The following TRIO variants were observed in gnomAD, a reference collection of about 807,000 sequenced individuals.
TRIO encodes triple functional domain protein.
TRIO carries 58 observed loss-of-function variants against 351.9 expected under a neutral mutation model. That is an observed-to-expected ratio of 0.16 (90% CI 0.13 to 0.21). The LOEUF is 0.21. TRIO is among the 10% of genes least tolerant of loss of function. The probability of loss-of-function intolerance (pLI) is 1.00; values close to 1 mark genes in which losing one functional copy is unlikely to be tolerated. For missense variants in TRIO, 3,201 were observed against 4,027.8 expected, an observed-to-expected ratio of 0.79 and a Z score of 5.56; for synonymous variants, 1,758 against 1,595.7, an observed-to-expected ratio of 1.10 and a Z score of -2.42.
chr5:14,246,319 A>G (rs1038935196), intron 1 of TRIO, among the ~76,000 whole-genome samples: 1 of 152,200 alleles, frequency 6.6e-6, no homozygotes, highest in Non-Finnish European at 1.5e-5. Flanking sequence ...GTTTAACATC[A>G]TTGAGGGCTG....
chr5:14,248,983 C>A (rs1037324759), intron 1 of TRIO, among the ~76,000 whole-genome samples: 4 of 152,164 alleles, frequency 2.6e-5, no homozygotes, highest in African/African-American at 9.7e-5. Flanking sequence ...GAGCTTCTGT[C>A]CAGGTGAGGT....
Position 14,462,886 on chromosome 5 carries a change from G to A in TRIO, c.5628G>A (p.Gln1876=), listed in dbSNP as rs1351400805. Residue 1876 remains glutamine, a synonymous_variant, in exon 36 of 57, where the codon CAG becomes CAA. Coordinates refer to ENST00000344204, the MANE Select transcript of TRIO (RefSeq NM_007118.4). ...CCCTGCCGCCACCCATGGCCATCCA[G>A]CAGCACAGCCTCCTCCAGCCAGACT... is the stretch of plus-strand genomic sequence containing the variant. The part of the protein sequence containing the change: ...AVPLPPPMAI[Q]QHSLLQPDSQ... 1 of 1,610,088 alleles carries A rather than the reference G, an allele frequency of 6.2e-7. No homozygotes were observed.
chr5:14,180,915 G>GT (rs539873823), intron 1 of TRIO, among the ~76,000 whole-genome samples: 7 of 151,966 alleles, frequency 4.6e-5, no homozygotes, highest in South Asian at 4.2e-4. Flanking sequence ...GATTTGAGTT[G>GT]GCTTATTTTC....
At chr5:14,501,315 A>G (rs1757286989) in intron 53 of TRIO, among the ~76,000 whole-genome samples, 1 of 152,246 alleles carries the variant, frequency 6.6e-6, no homozygotes, top group African/African-American at 2.4e-5. Context: ...TAACAAAAAA[A>G]GACTGCAGAA....
At chr5:14,184,665 A>T (rs556603010) in intron 1 of TRIO, among the ~76,000 whole-genome samples, 40 of 152,352 alleles carry the variant, frequency 2.6e-4, no homozygotes, top group African/African-American at 8.2e-4. Context: ...CTCCTGATAC[A>T]AAGTCTTAAT....
intron 18 of TRIO, among the ~76,000 whole-genome samples, chr5:14,373,832 G>A (rs375674611): frequency 6.6e-6 from 1 of 152,192 alleles, no homozygotes; most frequent in Non-Finnish European, 1.5e-5. Context: ...TCTACCCTAC[G>A]TAGAAATCCA....
intron 43 of TRIO, among the ~76,000 whole-genome samples, chr5:14,480,219 G>C (rs1443835954): frequency 6.6e-6 from 1 of 152,082 alleles, no homozygotes; most frequent in Non-Finnish European, 1.5e-5. Flanking sequence ...GAGTGAGTTT[G>C]CTGAAAAAAT....
At position 14,509,353 on chromosome 5, in the gene TRIO, A is replaced by T; in HGVS notation, c.*931A>T. On this transcript the variant is annotated 3_prime_UTR_variant, in exon 57 of 57. Transcript: ENST00000344204. Reference sequence around the variant, plus strand: ...TAATAAATATATAGAAAAAGCACATACTTCGTATGGTGAGCTTTATGGTTT... The same window carrying T: ...TAATAAATATATAGAAAAAGCACATTCTTCGTATGGTGAGCTTTATGGTTT... 1 of 422,380 alleles carries T rather than the reference A, an allele frequency of 2.4e-6. No individual in the cohort carries two copies. Among genetic ancestry groups the T allele is most frequent in the South Asian group, 1.6e-5 (1 of 60,634 alleles). 26.2% of individuals were successfully genotyped at this position (422,380 alleles called of 1,614,324 possible).
Position 14,509,714 on chromosome 5 carries a change from A to G in TRIO, c.*1292A>G, listed in dbSNP as rs1374373131. On this transcript the variant is annotated 3_prime_UTR_variant, in exon 57 of 57. Transcript: ENST00000344204. Reference sequence around the variant, plus strand: ...CTGGCCGCCCCGCGGCTGGTACCCAATGCCCGAGTCACTGTGGCAGCATTC... The same window carrying G: ...CTGGCCGCCCCGCGGCTGGTACCCAGTGCCCGAGTCACTGTGGCAGCATTC... The G allele has an allele frequency of 3.1e-6, 1 of 320,064 alleles. No individual in the cohort carries two copies. The highest frequency in any genetic ancestry group is 6.0e-6 in the Non-Finnish European group (1 of 166,572). 19.8% of individuals were successfully genotyped at this position (320,064 alleles called of 1,614,324 possible). A position where few individuals can be genotyped will look rare whatever the true frequency, so the allele number is the denominator to read the frequency against.
At chr5:14,312,856 A>G (rs543803906) in intron 8 of TRIO, among the ~76,000 whole-genome samples, 2 of 152,292 alleles carry the variant, frequency 1.3e-5, no homozygotes, top group East Asian at 1.9e-4. Flanking sequence ...TTTAAAAATT[A>G]TTATCTCTAT....
intron 14 of TRIO, among the ~76,000 whole-genome samples, chr5:14,364,168 C>T (rs1744396934): frequency 6.6e-6 from 1 of 152,200 alleles, no homozygotes; most frequent in African/African-American, 2.4e-5. Flanking sequence ...TAATTCTACA[C>T]AATGATATGT....
At chr5:14,265,917 AT>A (rs1333830530) in intron 1 of TRIO, among the ~76,000 whole-genome samples, 2 of 152,324 alleles carry the variant, frequency 1.3e-5, no homozygotes, top group Admixed American at 6.5e-5. Context: ...ACTACCTAAC[AT>A]TTCACAAAAC....
chr5:14,220,847 C>T (rs1323184521), intron 1 of TRIO, among the ~76,000 whole-genome samples: 2 of 152,248 alleles, frequency 1.3e-5, no homozygotes, highest in African/African-American at 4.8e-5. Flanking sequence ...CAGGATGAAG[C>T]AGCAACTGCT....
chr5:14,231,018 G>C (rs1470383488), intron 1 of TRIO, among the ~76,000 whole-genome samples: 1 of 152,180 alleles, frequency 6.6e-6, no homozygotes, highest in Non-Finnish European at 1.5e-5. Context: ...CCAATGCCTA[G>C]TTCTTGTGTT....
In TRIO at chr5:14,476,755, C is replaced by T. The variant is rs1240044588; in HGVS notation, c.6084-139C>T. On this transcript the variant is annotated intron_variant, in intron 40 of 56. Transcript: ENST00000344204. ...GTTGCAGTGAACCAAGATCACACCACTGCACTCCAGCCTAGGTGATAGAGT... is the reference window on the plus strand; with the variant it reads ...GTTGCAGTGAACCAAGATCACACCATTGCACTCCAGCCTAGGTGATAGAGT... 4 of 663,220 alleles carry T rather than the reference C, an allele frequency of 6.0e-6. No homozygotes were observed. The African/African-American group carries it at 7.4e-5, about 12-fold the overall frequency. The allele number at this position is 663,220 out of a possible 1,614,324, so 41.1% of individuals were successfully genotyped here.
intron 34 of TRIO, among the ~76,000 whole-genome samples, chr5:14,451,997 G>A (rs879549572): frequency 6.6e-6 from 1 of 152,244 alleles, no homozygotes; most frequent in African/African-American, 2.4e-5. Context: ...GATGTTCACC[G>A]GAACTCTCCT....
intron 34 of TRIO, among the ~76,000 whole-genome samples, chr5:14,460,678 A>G (rs1161577036): frequency 6.6e-6 from 1 of 152,190 alleles, no homozygotes; most frequent in Non-Finnish European, 1.5e-5. Context: ...TCTGTCCTCC[A>G]ATGTCCGCAG....
At chr5:14,417,217 G>A (rs1447463322) in intron 33 of TRIO, among the ~76,000 whole-genome samples, 4 of 152,174 alleles carry the variant, frequency 2.6e-5, no homozygotes, top group Admixed American at 1.3e-4. Flanking sequence ...GGTTTTCCAC[G>A]GAGAAGTTTG....
At chr5:14,499,044 G>T in intron 53 of TRIO, 1 of 169,994 alleles carries the variant, frequency 5.9e-6, no homozygotes, top group Admixed American at 5.6e-5. Context: ...GGTCTAGGTT[G>T]GTCTCATGTA....
Sources: gnomAD v4.1 joint callset for allele counts (sites outside exome capture counted in the v4.1 genomes callset) on GRCh38, gnomAD v4.1.1 for gene constraint, MANE v1.5 for transcripts, NCBI Gene and HGNC (gene_info 2026-07-23, HGNC 2026-07-21) for gene names.